Variants in COL25A1 observed in about 807,000 individuals in gnomAD.
COL25A1 encodes collagen alpha-1(XXV) chain.
A neutral mutation model predicts 128.4 loss-of-function variants in COL25A1; 103 were observed. The observed-to-expected ratio is 0.80, with a 90% CI of 0.68 to 0.94. The LOEUF is 0.94. COL25A1 is among the 40% of genes least tolerant of loss of function. The pLI, the probability that COL25A1 is intolerant of heterozygous loss-of-function variation, is 0.00. For synonymous variants in COL25A1, 279 were observed against 277.2 expected (o/e 1.01, Z -0.06); for missense variants, 745 against 840.0 (o/e 0.89, Z 1.40).
Position 108,848,856 on chromosome 4 carries a change from C to A in COL25A1, c.1390-53G>T, listed in dbSNP as rs1327458122. ...CTCCATTCTCATTGGTAACATACTGCACTACATAAAAAAACGATGCTAGTT... is the reference window on the plus strand; with the variant it reads ...CTCCATTCTCATTGGTAACATACTGAACTACATAAAAAAACGATGCTAGTT... On this transcript the variant is annotated intron_variant, in intron 26 of 37. Coordinates refer to ENST00000399132, the MANE Select transcript of COL25A1 (RefSeq NM_198721.4). 13 of 1,377,240 alleles carry A rather than the reference C, an allele frequency of 9.4e-6. No homozygotes were observed. In the East Asian group the frequency reaches 2.7e-4, roughly 29 times the overall value. The allele number at this position is 1,377,240 out of a possible 1,614,324, so 85.3% of individuals were successfully genotyped here. A position where few individuals can be genotyped will look rare whatever the true frequency, so the allele number is the denominator to read the frequency against.
intron 20 of COL25A1, among the ~76,000 whole-genome samples, chr4:108,867,642 C>T (rs1738096770): frequency 6.6e-6 from 1 of 152,144 alleles, no homozygotes; most frequent in South Asian, 2.1e-4. Flanking sequence ...TCAGAACAGA[C>T]CATGAACATA....
intron 3 of COL25A1, among the ~76,000 whole-genome samples, chr4:109,174,347 T>C (rs1008339519): frequency 3.9e-5 from 6 of 152,114 alleles, no homozygotes; most frequent in African/African-American, 1.4e-4. Flanking sequence ...TCCTGACAGA[T>C]AAAGTCCCCT....
intron 4 of COL25A1, among the ~76,000 whole-genome samples, chr4:109,049,332 C>A (rs989518261): frequency 2.6e-5 from 4 of 152,080 alleles, no homozygotes; most frequent in Non-Finnish European, 4.4e-5. Context: ...TTTATGTGGT[C>A]ATTTCCAAAA....
At chr4:108,990,083 G>A (rs899781842) in intron 6 of COL25A1, among the ~76,000 whole-genome samples, 11 of 150,680 alleles carry the variant, frequency 7.3e-5, no homozygotes, top group South Asian at 4.2e-4. Context: ...GTATAGTGGC[G>A]GGGCTGTAAT....
At chr4:109,090,041 T>A (rs1015149426) in intron 3 of COL25A1, among the ~76,000 whole-genome samples, 3 of 152,152 alleles carry the variant, frequency 2.0e-5, no homozygotes, top group African/African-American at 7.2e-5. Flanking sequence ...TGTAAAACAT[T>A]TCTAGTTAAG....
intron 5 of COL25A1, among the ~76,000 whole-genome samples, chr4:109,043,498 G>T (rs564777142): frequency 5.3e-5 from 8 of 152,038 alleles, no homozygotes; most frequent in Admixed American, 4.6e-4. Flanking sequence ...ACCTCAGAGA[G>T]TTCTCCACGA....
chr4:109,059,171 C>G (rs1000013768), intron 3 of COL25A1, among the ~76,000 whole-genome samples: 1 of 152,176 alleles, frequency 6.6e-6, no homozygotes, highest in Non-Finnish European at 1.5e-5. Flanking sequence ...CCATCACGCA[C>G]CTTGCACTGG....
At chr4:108,854,910 TA>T (rs1213598585) in intron 24 of COL25A1, among the ~76,000 whole-genome samples, 1 of 152,124 alleles carries the variant, frequency 6.6e-6, no homozygotes, top group Non-Finnish European at 1.5e-5. Context: ...TAGAGAACTG[TA>T]ACAAAATATA....
intron 13 of COL25A1, among the ~76,000 whole-genome samples, chr4:108,913,113 C>T (rs1435339686): frequency 6.6e-6 from 1 of 151,756 alleles, no homozygotes; most frequent in Non-Finnish European, 1.5e-5. Context: ...ACTCTGCAGG[C>T]CTCAGAAAAA....
chr4:108,825,101 G>A, intron 34 of COL25A1, 95 bp downstream of exon 34: 1 of 971,398 alleles, frequency 1.0e-6, no homozygotes, highest in East Asian at 2.4e-5. Context: ...ATACCTATAT[G>A]CACAGAAAAA....
chr4:109,160,748 C>T (rs1456147148), intron 3 of COL25A1, among the ~76,000 whole-genome samples: 1 of 152,102 alleles, frequency 6.6e-6, no homozygotes, highest in Non-Finnish European at 1.5e-5. Context: ...AGTGACCTGC[C>T]GGCCTGACCT....
At chr4:109,093,462 A>AAACAAACAAAC (rs944905033) in intron 3 of COL25A1, among the ~76,000 whole-genome samples, 38 of 149,168 alleles carry the variant, frequency 2.5e-4, no homozygotes, top group Middle Eastern at 3.4e-3. Context: ...TCTATGAAAA[A>AAACAAACAAAC]AAAAAAAAAA....
chr4:108,868,487 AGAAG>A (rs903522272), intron 20 of COL25A1, among the ~76,000 whole-genome samples: 16 of 151,612 alleles, frequency 1.1e-4, no homozygotes, highest in East Asian at 3.9e-4. Context: ...AAATCAAGCA[AGAAG>A]GAAGGAAGGA....
At chr4:108,909,658 G>A (rs148527731) in intron 13 of COL25A1, among the ~76,000 whole-genome samples, 3 of 152,218 alleles carry the variant, frequency 2.0e-5, no homozygotes, top group East Asian at 3.8e-4. Context: ...ATAGTTAGAA[G>A]TTTGTGGGGA....
chr4:108,858,917 C>G (rs1335378793), intron 24 of COL25A1, among the ~76,000 whole-genome samples: 1 of 151,930 alleles, frequency 6.6e-6, no homozygotes, highest in African/African-American at 2.4e-5. Flanking sequence ...GGCGATGAGT[C>G]CAGTGGACTT....
chr4:108,879,521 C>T (rs1739861861), intron 19 of COL25A1, among the ~76,000 whole-genome samples: 2 of 152,162 alleles, frequency 1.3e-5, no homozygotes, highest in African/African-American at 4.8e-5. Context: ...GATCCCGGCT[C>T]ACTGCAGCCT....
At chr4:109,082,621 T>C (rs1051152045) in intron 3 of COL25A1, among the ~76,000 whole-genome samples, 1 of 152,252 alleles carries the variant, frequency 6.6e-6, no homozygotes, top group Non-Finnish European at 1.5e-5. Context: ...TTCAGATCTT[T>C]TGACCATTTT....
intron 6 of COL25A1, among the ~76,000 whole-genome samples, chr4:109,006,042 G>A (rs1755934323): frequency 6.6e-6 from 1 of 151,500 alleles, no homozygotes. Flanking sequence ...AAAAAGAAGA[G>A]GAAAAAAGAA....
At chr4:109,217,380 A>G (rs1560885296) in intron 3 of COL25A1, among the ~76,000 whole-genome samples, 1 of 152,214 alleles carries the variant, frequency 6.6e-6, no homozygotes, top group African/African-American at 2.4e-5. Context: ...CAAAACAGAC[A>G]ATAATCATAA....
Sources: gnomAD v4.1 joint callset for allele counts (sites outside exome capture counted in the v4.1 genomes callset) on GRCh38, gnomAD v4.1.1 for gene constraint, MANE v1.5 for transcripts, NCBI Gene and HGNC (gene_info 2026-07-23, HGNC 2026-07-21) for gene names.